GSE1: variants seen among roughly 807,000 people sequenced by gnomAD.
GSE1 encodes genetic suppressor element 1.
A neutral mutation model predicts 112.6 loss-of-function variants in GSE1; 32 were observed. That is an observed-to-expected ratio of 0.28 (90% CI 0.21 to 0.38). GSE1 has a LOEUF of 0.38. Ranked by LOEUF, GSE1 falls within the 10% of genes least tolerant of loss-of-function variation. GSE1 has a pLI of 1.00. For synonymous variants in GSE1, 1,115 were observed against 735.6 expected, an observed-to-expected ratio of 1.52 and a Z score of -8.35; for missense variants, 2,348 against 1,699.2, an observed-to-expected ratio of 1.38 and a Z score of -6.71.
chr16:85,206,960 C>CCTCCGGCGGCAGT (rs1418189363), intron 1 of GSE1, among the ~76,000 whole-genome samples: 1 of 152,190 alleles, frequency 6.6e-6, no homozygotes, highest in African/African-American at 2.4e-5. Context: ...CTGTTTACAG[C>CCTCCGGCGGCAGT]CTCCGGCGGC....
chr16:85,661,847 C>T (rs1056437237), intron 9 of GSE1, 82 bp downstream of exon 9: 1 of 1,336,726 alleles, frequency 7.5e-7, no homozygotes, highest in East Asian at 2.5e-5. Flanking sequence ...CCACCTGCCC[C>T]TCTCCGTCCA....
Position 85,673,467 on chromosome 16 carries a change from T to G in GSE1, c.*928T>G, listed in dbSNP as rs949912100. The stretch of plus-strand genomic sequence containing the variant: ...TTGGGGGTTTTGTTTGTTGTTTTGG[T>G]TTTTTTTGGGCAAAAAAAAAAAAAA... On this transcript the variant is annotated 3_prime_UTR_variant, in exon 16 of 16. Transcript: ENST00000253458. 3 of 143,426 alleles carry G rather than the reference T, an allele frequency of 2.1e-5. No individual in the cohort carries two copies. Among genetic ancestry groups the G allele is most frequent in the Non-Finnish European group, 4.7e-5 (3 of 64,042 alleles). The allele number at this position is 143,426 out of a possible 1,614,324, so 8.9% of individuals were successfully genotyped here. A position where few individuals can be genotyped will look rare whatever the true frequency, so the allele number is the denominator to read the frequency against.
chr16:85,278,229 T>C (rs1909567669), intron 1 of GSE1, among the ~76,000 whole-genome samples: 1 of 152,218 alleles, frequency 6.6e-6, no homozygotes, highest in Non-Finnish European at 1.5e-5. Flanking sequence ...TGCTGTCCTC[T>C]GACCCAGGCC....
chr16:85,384,546 C>T (rs1282678365), intron 2 of GSE1, among the ~76,000 whole-genome samples: 2 of 152,204 alleles, frequency 1.3e-5, no homozygotes, highest in Non-Finnish European at 2.9e-5. Flanking sequence ...TGCCGACTGG[C>T]ATCATGAGGG....
At chr16:85,489,619 G>A (rs974046211) in intron 2 of GSE1, among the ~76,000 whole-genome samples, 4 of 142,722 alleles carry the variant, frequency 2.8e-5, no homozygotes, top group African/African-American at 1.0e-4. Context: ...AAGTTGCTAC[G>A]CGGCCCGCGC....
intron 2 of GSE1, among the ~76,000 whole-genome samples, chr16:85,638,670 C>T (rs1323480952): frequency 1.3e-4 from 17 of 133,898 alleles, no homozygotes; most frequent in African/African-American, 4.6e-4. Flanking sequence ...CCCTTCCCTG[C>T]CCCCCACCCT....
At chr16:85,424,700 T>C (rs946799382) in intron 2 of GSE1, among the ~76,000 whole-genome samples, 1 of 152,224 alleles carries the variant, frequency 6.6e-6, no homozygotes, top group African/African-American at 2.4e-5. Context: ...TCGCTAATGT[T>C]CCTGCGCCCA....
intron 2 of GSE1, among the ~76,000 whole-genome samples, chr16:85,529,450 T>C (rs2052473917): frequency 6.6e-6 from 1 of 152,262 alleles, no homozygotes; most frequent in Non-Finnish European, 1.5e-5. Context: ...AAGAAATTTC[T>C]TCCCCACATT....
At chr16:85,257,614 A>G (rs956801657) in intron 1 of GSE1, among the ~76,000 whole-genome samples, 2 of 152,254 alleles carry the variant, frequency 1.3e-5, no homozygotes, top group African/African-American at 4.8e-5. Context: ...GAAAAAAACT[A>G]GCCTGGGCAA....
chr16:85,504,657 GA>G (rs1329928090), intron 2 of GSE1, among the ~76,000 whole-genome samples: 1 of 152,042 alleles, frequency 6.6e-6, no homozygotes, highest in East Asian at 1.9e-4. Flanking sequence ...GAAATTTAAG[GA>G]AAAAAATGGC....
At position 85,382,856 on chromosome 16, in the gene GSE1, GCA is replaced by G. The variant is rs575624054; in HGVS notation, c.2464+25220_2464+25221del. ...CTCATGCACACACATGCATACATGT[GCA>G]CACACAGCACACATGCACACACACC... On this transcript the variant is annotated intron_variant, in intron 2 of 2. Transcript: ENST00000637419. Among the ~76,000 whole-genome samples the G allele has an allele frequency of 6.7e-4, 101 of 150,954 alleles. 1 individual carries two copies. Among genetic ancestry groups the G allele is most frequent in the Middle Eastern group, 3.5e-3 (1 of 288 alleles).
intron 1 of GSE1, among the ~76,000 whole-genome samples, chr16:85,199,663 T>C (rs2074992839): frequency 6.6e-6 from 1 of 152,176 alleles, no homozygotes; most frequent in Admixed American, 6.5e-5. Context: ...TTTGCAGCTC[T>C]TCCCTTTTTT....
chr16:85,668,097 C>T, intron 13 of GSE1, 43 bp from the exon 14 acceptor site: 1 of 1,477,822 alleles, frequency 6.8e-7, no homozygotes, highest in Non-Finnish European at 9.2e-7. Context: ...CACCCTGTGT[C>T]CCTTCCCCCA....
chr16:85,288,955 G>T (rs2151436546), intron 1 of GSE1, among the ~76,000 whole-genome samples: 1 of 152,288 alleles, frequency 6.6e-6, no homozygotes, highest in South Asian at 2.1e-4. Flanking sequence ...GACACTGCAG[G>T]GAGGGGAGGT....
At position 85,656,754 on chromosome 16, in the gene GSE1, G is replaced by A. The variant is rs1383496744; in HGVS notation, c.1312+89G>A. The A allele has an allele frequency of 9.1e-6, 13 of 1,427,840 alleles. No individual in the cohort carries two copies. In the East Asian group the frequency reaches 1.0e-4, roughly 11 times the overall value. The allele number at this position is 1,427,840 out of a possible 1,614,324, so 88.4% of individuals were successfully genotyped here. Reference sequence around the variant, plus strand: ...ATCGCAGCACCTGCCGGTTGCCGTGGTGTAAATGTTCCCCAGCTGAGTTCG... The same window carrying A: ...ATCGCAGCACCTGCCGGTTGCCGTGATGTAAATGTTCCCCAGCTGAGTTCG... On this transcript the variant is annotated intron_variant, in intron 7 of 15. Transcript: ENST00000253458.
chr16:85,174,227 C>A (rs986888098), intron 1 of GSE1, among the ~76,000 whole-genome samples: 1 of 152,152 alleles, frequency 6.6e-6, no homozygotes, highest in African/African-American at 2.4e-5. Flanking sequence ...GAACTCCAGG[C>A]CTTGAAATCA....
At chr16:85,554,769 C>A, upstream of GSE1, 1 of 513,800 alleles carries the variant, frequency 1.9e-6, no homozygotes, top group African/African-American at 3.4e-5. Flanking sequence ...CCGCAGCTGT[C>A]AGTCGTGGGG....
chr16:85,275,774 C>G (rs962301944), intron 1 of GSE1, among the ~76,000 whole-genome samples: 1 of 152,216 alleles, frequency 6.6e-6, no homozygotes, highest in Non-Finnish European at 1.5e-5. Flanking sequence ...AACCGGGGCG[C>G]TGAGCCCCAT....
chr16:85,227,495 G>A (rs1373968154), intron 1 of GSE1, among the ~76,000 whole-genome samples: 6 of 152,256 alleles, frequency 3.9e-5, no homozygotes, highest in Non-Finnish European at 5.9e-5. Context: ...GATAAAGGGC[G>A]ATCCAGGTAG....
Sources: allele counts gnomAD v4.1 joint callset (sites outside exome capture counted in the v4.1 genomes callset), GRCh38; gene constraint gnomAD v4.1.1; transcripts MANE v1.5; gene names NCBI Gene and HGNC (gene_info 2026-07-23, HGNC 2026-07-21).